The following PASD1 variants were observed in gnomAD, a reference collection of about 807,000 sequenced individuals.
PASD1 encodes the protein PAS domain containing repressor 1.
Under a neutral mutation model 58.8 loss-of-function variants are expected in PASD1, and 13 were observed. The ratio of observed to expected loss-of-function variants is 0.22; its 90% CI spans 0.14 to 0.35. The LOEUF (loss-of-function observed/expected upper bound fraction) is 0.35, where lower values mean the gene tolerates loss of function less well. Among genes scored for constraint, PASD1 ranks in the 10% least tolerant of loss-of-function variants. The probability of loss-of-function intolerance (pLI) is 1.00; values close to 1 mark genes in which losing one functional copy is unlikely to be tolerated. For synonymous variants in PASD1, 236 were observed against 216.7 expected, an observed-to-expected ratio of 1.09 and a Z score of -0.78; for missense variants, 734 against 568.3, an observed-to-expected ratio of 1.29 and a Z score of -2.96.
chrX:151,661,416 C>G (rs760410599), intron 10 of PASD1, among the ~76,000 whole-genome samples: 3 of 111,839 alleles, frequency 2.7e-5, no homozygotes, highest in East Asian at 2.8e-4. Context: ...TCTGCCTAAT[C>G]CAGATGTTTC....
intron 1 of PASD1, among the ~76,000 whole-genome samples, chrX:151,581,818 C>T (rs903776425): frequency 6.4e-5 from 7 of 109,728 alleles, no homozygotes; most frequent in African/African-American, 2.3e-4. Context: ...AGGCCATGAA[C>T]AGCCAGCTCT....
chrX:151,570,898 A>G (rs1466593906), intron 1 of PASD1, among the ~76,000 whole-genome samples: 4 of 112,069 alleles, frequency 3.6e-5, no homozygotes, highest in Non-Finnish European at 7.5e-5. Context: ...TAGGGACAAA[A>G]GCTCTCCATT....
intron 8 of PASD1, among the ~76,000 whole-genome samples, chrX:151,629,456 T>G (rs902128699): frequency 3.6e-5 from 4 of 111,575 alleles, no homozygotes; most frequent in African/African-American, 1.3e-4. Context: ...TGTTTTATGT[T>G]TGGCTCCTAG....
intron 8 of PASD1, among the ~76,000 whole-genome samples, chrX:151,628,056 GT>G (rs2013814788): frequency 9.0e-6 from 1 of 111,095 alleles, no homozygotes; most frequent in African/African-American, 3.3e-5. Flanking sequence ...GGGGCTGTTT[GT>G]TTTTTTCTTG....
At chrX:151,574,476 T>A (rs1238130002) in intron 1 of PASD1, among the ~76,000 whole-genome samples, 1 of 111,538 alleles carries the variant, frequency 9.0e-6, no homozygotes, top group Admixed American at 9.5e-5. Flanking sequence ...TTCTAGAGGG[T>A]TCAGGGAGAA....
chrX:151,675,935 A>C, intron 15 of PASD1, 62 bp from the exon 16 acceptor site: 1 of 1,146,601 alleles, frequency 8.7e-7, no homozygotes, highest in East Asian at 3.0e-5. Context: ...TCCTCCTACC[A>C]CCAAAAAATG....
intron 1 of PASD1, among the ~76,000 whole-genome samples, chrX:151,588,502 C>T (rs1249410579): frequency 9.0e-6 from 1 of 111,287 alleles, no homozygotes; most frequent in Non-Finnish European, 1.9e-5. Context: ...ACTGGGAGGC[C>T]ACAGAGTTTT....
At chrX:151,564,245 G>C (rs1217625101) in intron 1 of PASD1, among the ~76,000 whole-genome samples, 7 of 112,768 alleles carry the variant, frequency 6.2e-5, no homozygotes, top group African/African-American at 9.7e-5. Context: ...GGCTCTGTCC[G>C]GCAGGTCTGG....
In PASD1 at chrX:151,621,035, T is replaced by C. The variant is rs186417755; in HGVS notation, c.307+6T>C. ...ATTTCCTTTACTAAACTCAGGTATG[T>C]ATATTTTTAAAAGTAGTAAATTCTT... On this transcript the variant is annotated splice_donor_region_variant and intron_variant, in intron 5 of 15. Transcript: ENST00000370357. 31 of 1,142,099 alleles carry C rather than the reference T, an allele frequency of 2.7e-5. No individual in the cohort carries two copies. In the East Asian group the frequency reaches 9.0e-4, roughly 33 times the overall value. The allele number at this position is 1,142,099 out of a possible 1,213,427, so 94.1% of individuals were successfully genotyped here.
At chrX:151,578,887 G>A (rs1429224674) in intron 1 of PASD1, among the ~76,000 whole-genome samples, 3 of 112,081 alleles carry the variant, frequency 2.7e-5, no homozygotes, top group Admixed American at 9.5e-5. Context: ...TCACTGAAGA[G>A]TTAAAGAAAA....
chrX:151,588,363 G>C (rs191276381), intron 1 of PASD1, among the ~76,000 whole-genome samples: 1 of 112,423 alleles, frequency 8.9e-6, no homozygotes, highest in East Asian at 2.8e-4. Flanking sequence ...TGTAACCAAA[G>C]TAATTTCCAA....
intron 8 of PASD1, among the ~76,000 whole-genome samples, chrX:151,644,679 A>C (rs1011009414): frequency 9.0e-6 from 1 of 111,598 alleles, no homozygotes; most frequent in Admixed American, 9.5e-5. Flanking sequence ...GGGCATTTGA[A>C]CTGACCACAC....
At chrX:151,670,541 G>C (rs2014452801) in intron 11 of PASD1, among the ~76,000 whole-genome samples, 1 of 112,113 alleles carries the variant, frequency 8.9e-6, no homozygotes, top group Admixed American at 9.5e-5. Context: ...GTCCATCTAA[G>C]TACTATATGA....
chrX:151,602,269 T>G lies in PASD1; in HGVS notation c.28+688T>G, dbSNP rs775006444. The stretch of plus-strand genomic sequence containing the variant: ...TATCCTTTGTCCAACATCTCCCCAC[T>G]CCTTCATCTCTTACTTTTGATGAAG... On this transcript the variant is annotated intron_variant, in intron 2 of 15. Coordinates refer to ENST00000370357, the MANE Select transcript of PASD1 (RefSeq NM_173493.3). 4.5e-5 allele frequency among the ~76,000 whole-genome samples: 5 copies of G among 111,925 alleles called. No homozygotes were observed. The East Asian group carries it at 1.4e-3, about 31-fold the overall frequency.
Position 151,664,252 on chromosome X carries a change from A to G in PASD1, c.975A>G (p.Pro325=). The G allele has an allele frequency of 8.3e-7, 1 of 1,211,455 alleles. No individual in the cohort carries two copies. The highest frequency in any genetic ancestry group is 1.7e-5 in the African/African-American group (1 of 57,714). The change falls in exon 11 of 16, where the codon CCA becomes CCG. Residue 325 remains proline (P), a synonymous_variant. Transcript: ENST00000370357. ...DQEGPMDQQD[P]ENPVAPLDQA... Reference sequence around the variant, plus strand: ...AGGGCCCAATGGACCAGCAGGACCCAGAGAACCCAGTTGCCCCGTTGGACC... The same window carrying G: ...AGGGCCCAATGGACCAGCAGGACCCGGAGAACCCAGTTGCCCCGTTGGACC...
chrX:151,671,610 A>T lies in PASD1; in HGVS notation c.1268A>T (p.Asp423Val), dbSNP rs2014469731. 3.3e-6 allele frequency: 4 copies of T among 1,211,467 alleles called. No individual in the cohort carries two copies. The highest frequency in any genetic ancestry group is 4.5e-6 in the Non-Finnish European group (4 of 895,497). Reference protein sequence around the residue: ...PNTLRHVVIPDLQSSEAVPKK... With the variant: ...PNTLRHVVIPVLQSSEAVPKK... ...ACATTACGCCACGTTGTCATTCCTG[A>T]TCTCCAATCTTCGGAGGCAGTGCCC... Residue 423 changes from aspartate to valine, a missense_variant, in exon 13 of 16, where the codon GAT (aspartate) becomes GTT (valine). By Grantham distance (152) the Asp-to-Val change is radical. Coordinates refer to ENST00000370357, the MANE Select transcript of PASD1 (RefSeq NM_173493.3).
intron 1 of PASD1, among the ~76,000 whole-genome samples, chrX:151,581,234 A>C (rs2013088302): frequency 2.5e-5 from 2 of 80,129 alleles, no homozygotes; most frequent in African/African-American, 1.2e-4. Flanking sequence ...TATCAAAAAA[A>C]AAAAAAAAAA....
intron 9 of PASD1, among the ~76,000 whole-genome samples, chrX:151,659,481 C>G (rs1342400791): frequency 8.9e-6 from 1 of 112,257 alleles, no homozygotes; most frequent in African/African-American, 3.2e-5. Context: ...CTGTGTTTCT[C>G]TTCTTCAGTT....
chrX:151,565,237 C>G (rs1395955784), intron 1 of PASD1, among the ~76,000 whole-genome samples: 1 of 112,271 alleles, frequency 8.9e-6, no homozygotes, highest in Non-Finnish European at 1.9e-5. Context: ...GGTAAAGACA[C>G]TCAGGCAGCA....
Sources: gnomAD v4.1 joint callset for allele counts (sites outside exome capture counted in the v4.1 genomes callset) on GRCh38, gnomAD v4.1.1 for gene constraint, MANE v1.5 for transcripts, NCBI Gene and HGNC (gene_info 2026-07-23, HGNC 2026-07-21) for gene names.